KHDRBS2: variants seen among roughly 807,000 people sequenced by gnomAD.
The protein encoded by KHDRBS2 is KH domain-containing, RNA-binding, signal transduction-associated protein 2.
KHDRBS2 carries 26 observed loss-of-function variants against 44.3 expected under a neutral mutation model. That is an observed-to-expected ratio of 0.59 (90% CI 0.43 to 0.81). The LOEUF (loss-of-function observed/expected upper bound fraction) is 0.81, where lower values mean the gene tolerates loss of function less well. Among genes scored for constraint, KHDRBS2 ranks in the 40% least tolerant of loss-of-function variants. The pLI is 0.00. For synonymous variants in KHDRBS2, 194 were observed against 151.1 expected, an observed-to-expected ratio of 1.28 and a Z score of -2.08; for missense variants, 476 against 433.1, an observed-to-expected ratio of 1.10 and a Z score of -0.88.
intron 2 of KHDRBS2, among the ~76,000 whole-genome samples, chr6:62,058,606 G>T (rs1256123174): frequency 6.6e-6 from 1 of 151,806 alleles, no homozygotes; most frequent in African/African-American, 2.4e-5. Context: ...AAATAGAGAG[G>T]AAATGACAAC....
At chr6:61,849,052 C>A (rs116276296) in intron 6 of KHDRBS2, among the ~76,000 whole-genome samples, 3,256 of 152,094 alleles carry the variant, frequency 0.021, 63 homozygotes, top group Non-Finnish European at 0.03. Flanking sequence ...TGGTTCATTT[C>A]ACTGTTTTCT....
chr6:61,583,474 G>A, the KHDRBS2 span, among the ~76,000 whole-genome samples: 1 of 151,686 alleles, frequency 6.6e-6, no homozygotes, highest in Non-Finnish European at 1.5e-5. Context: ...TTATTTAAGA[G>A]ATCTTTATTT....
intron 7 of KHDRBS2, among the ~76,000 whole-genome samples, chr6:61,702,248 C>A (rs9294311): frequency 6.6e-6 from 1 of 151,578 alleles, no homozygotes; most frequent in Non-Finnish European, 1.5e-5. Flanking sequence ...TAATTTTTTA[C>A]GACTTGTTTA....
At chr6:61,649,642 C>G in the KHDRBS2 span, among the ~76,000 whole-genome samples, 1 of 152,158 alleles carries the variant, frequency 6.6e-6, no homozygotes, top group South Asian at 2.1e-4. Flanking sequence ...ATAGAACTAT[C>G]ATGTAAGACT....
At chr6:62,121,733 T>A (rs1435627386) in intron 2 of KHDRBS2, among the ~76,000 whole-genome samples, 1 of 152,116 alleles carries the variant, frequency 6.6e-6, no homozygotes, top group Non-Finnish European at 1.5e-5. Flanking sequence ...ATCACATGGG[T>A]CCGTTACATT....
At chr6:61,599,911 G>A in the KHDRBS2 span, among the ~76,000 whole-genome samples, 1,628 of 152,262 alleles carry the variant, frequency 0.011, 29 homozygotes, top group African/African-American at 0.038. Context: ...TGTAGAACAA[G>A]ATGAGAATGA....
intron 8 of KHDRBS2, among the ~76,000 whole-genome samples, chr6:61,696,988 T>C (rs1767978347): frequency 2.0e-5 from 3 of 152,184 alleles, no homozygotes; most frequent in Admixed American, 2.0e-4. Context: ...ATGATTGTGA[T>C]TAATTGCTTT....
intron 7 of KHDRBS2, among the ~76,000 whole-genome samples, chr6:61,719,586 C>T (rs1384680782): frequency 6.6e-6 from 1 of 152,064 alleles, no homozygotes; most frequent in Non-Finnish European, 1.5e-5. Context: ...CCCCTGGAAA[C>T]TGTAATACTA....
At chr6:61,598,451 AG>A in the KHDRBS2 span, among the ~76,000 whole-genome samples, 18 of 152,302 alleles carry the variant, frequency 1.2e-4, no homozygotes, top group Non-Finnish European at 2.4e-4. Flanking sequence ...TGTATTCTAT[AG>A]GGTCTCAGAT....
At chr6:61,986,621 A>G (rs180783173) in intron 3 of KHDRBS2, among the ~76,000 whole-genome samples, 22 of 152,336 alleles carry the variant, frequency 1.4e-4, no homozygotes, top group Admixed American at 1.4e-3. Flanking sequence ...GCAAAATACC[A>G]TAAACTGAGT....
At chr6:61,567,943 T>G in the KHDRBS2 span, among the ~76,000 whole-genome samples, 1 of 152,088 alleles carries the variant, frequency 6.6e-6, no homozygotes, top group African/African-American at 2.4e-5. Context: ...TTTTTTTCCA[T>G]GTTTTCTTCC....
chr6:61,675,420 AATTATCTAAATATT>A (rs896847483), downstream of KHDRBS2, among the ~76,000 whole-genome samples: 1 of 151,386 alleles, frequency 6.6e-6, no homozygotes, highest in Admixed American at 6.6e-5. Flanking sequence ...TAAAAGTGAA[AATTATCTAAATATT>A]ACACTAAATA....
intron 4 of KHDRBS2, among the ~76,000 whole-genome samples, chr6:61,954,843 T>TATATACACAC (rs1765970585): frequency 1.3e-5 from 1 of 78,956 alleles, no homozygotes; most frequent in Non-Finnish European, 2.7e-5. Context: ...TATGTATGTA[T>TATATACACAC]ACATATGCAT....
rs572330689 is a variant in KHDRBS2, at chr6:61,707,190, G to GGATA, written c.894-9941_894-9938dup. 2.4e-3 allele frequency among the ~76,000 whole-genome samples: 361 copies of GGATA among 151,772 alleles called. 2 individuals carry two copies. The highest frequency in any genetic ancestry group is 8.2e-3 in the African/African-American group (342 of 41,484). On this transcript the variant is annotated intron_variant, in intron 7 of 8. Coordinates refer to ENST00000281156, the MANE Select transcript of KHDRBS2 (RefSeq NM_152688.4). ...AGGCATTGAGGGAGGGGTGTACTTA[G>GGATA]GATAGTCAAGGAATGGCAAGAGCCA... is the stretch of plus-strand genomic sequence containing the variant.
At chr6:62,191,784 C>T (rs1165277514) in intron 1 of KHDRBS2, among the ~76,000 whole-genome samples, 1 of 152,010 alleles carries the variant, frequency 6.6e-6, no homozygotes, top group East Asian at 1.9e-4. Context: ...AAACATGGTA[C>T]TAAACTTTAA....
At position 61,955,169 on chromosome 6, in the gene KHDRBS2, T is replaced by C. The variant is rs528628055; in HGVS notation, c.483+22897A>G. On this transcript the variant is annotated intron_variant, in intron 4 of 8. Transcript: ENST00000281156. ...ATACGTGTGTATGTATGTATACATA[T>C]GTGTATATACACATACGTTTGTATG... 9.0e-4 allele frequency among the ~76,000 whole-genome samples: 131 copies of C among 145,266 alleles called. 2 individuals are homozygous for C. Among genetic ancestry groups the C allele is most frequent in the African/African-American group, 3.1e-3 (124 of 40,284 alleles).
At chr6:62,095,826 C>T (rs1382397302) in intron 2 of KHDRBS2, among the ~76,000 whole-genome samples, 3 of 151,708 alleles carry the variant, frequency 2.0e-5, no homozygotes, top group African/African-American at 4.8e-5. Context: ...TCAGCTTTTC[C>T]CTGTTGGCTA....
At chr6:62,057,376 C>T (rs564633273) in intron 2 of KHDRBS2, among the ~76,000 whole-genome samples, 137 of 152,000 alleles carry the variant, frequency 9.0e-4, no homozygotes, top group African/African-American at 3.1e-3. Context: ...AATCACTAAG[C>T]TGGTTACATA....
intron 2 of KHDRBS2, among the ~76,000 whole-genome samples, chr6:62,108,570 C>A (rs1024058257): frequency 1.3e-5 from 2 of 152,084 alleles, no homozygotes; most frequent in Non-Finnish European, 2.9e-5. Flanking sequence ...CTAGAAATAC[C>A]ATTTGACCCA....
Sources: gnomAD v4.1 joint callset for allele counts (sites outside exome capture counted in the v4.1 genomes callset) on GRCh38, gnomAD v4.1.1 for gene constraint, MANE v1.5 for transcripts, NCBI Gene and HGNC (gene_info 2026-07-23, HGNC 2026-07-21) for gene names.